The following EXO1 variants were observed in gnomAD, a reference collection of about 807,000 sequenced individuals.
EXO1 encodes exonuclease 1.
Under a neutral mutation model 84.5 loss-of-function variants are expected in EXO1, and 69 were observed. The observed-to-expected ratio is 0.82, with a 90% CI of 0.67 to 1.00. The LOEUF (loss-of-function observed/expected upper bound fraction) is 1.00, where lower values mean the gene tolerates loss of function less well. Among genes scored for constraint, EXO1 ranks in the 50% least tolerant of loss-of-function variants. The pLI is 0.00. For synonymous variants in EXO1, 373 were observed against 366.1 expected, an observed-to-expected ratio of 1.02 and a Z score of -0.21; for missense variants, 1,045 against 1,000.7, an observed-to-expected ratio of 1.04 and a Z score of -0.60.
chr1:241,874,172 G>A (rs1024678459), intron 12 of EXO1, among the ~76,000 whole-genome samples: 1 of 152,222 alleles, frequency 6.6e-6, no homozygotes, highest in Non-Finnish European at 1.5e-5. Context: ...GGCCAAGTGG[G>A]TGGATCACCT....
chr1:241,866,687 G>T, intron 10 of EXO1, 143 bp from the exon 11 acceptor site: 2 of 688,222 alleles, frequency 2.9e-6, no homozygotes, highest in Non-Finnish European at 2.6e-6. Flanking sequence ...AGTAGGAAAT[G>T]TTATTCAAGG....
intron 12 of EXO1, among the ~76,000 whole-genome samples, chr1:241,875,674 C>G (rs536057990): frequency 5.1e-4 from 78 of 152,170 alleles, no homozygotes; most frequent in South Asian, 4.6e-3. Flanking sequence ...GTCAGGAGAT[C>G]GAGACCATCC....
intron 10 of EXO1, among the ~76,000 whole-genome samples, chr1:241,865,098 G>T (rs1167524817): frequency 6.6e-6 from 1 of 150,704 alleles, no homozygotes; most frequent in East Asian, 2.0e-4. Context: ...TTGAACTCCT[G>T]GCCTGAAGCA....
intron 9 of EXO1, 103 bp downstream of exon 9, chr1:241,860,807 T>G (rs1661339590): frequency 3.3e-6 from 3 of 903,616 alleles, no homozygotes. Context: ...CACATTATTT[T>G]TTGCTCTCTT....
chr1:241,855,662 C>T (rs893853174), intron 6 of EXO1, among the ~76,000 whole-genome samples: 4 of 152,210 alleles, frequency 2.6e-5, no homozygotes, highest in Admixed American at 2.6e-4. Context: ...TCGGGCGGCA[C>T]AGGAGCCCAC....
chr1:241,876,514 G>C (rs1662412477), intron 12 of EXO1, among the ~76,000 whole-genome samples: 1 of 151,958 alleles, frequency 6.6e-6, no homozygotes, highest in Non-Finnish European at 1.5e-5. Context: ...CCCAGGAGGA[G>C]GAGGTTGCAG....
chr1:241,850,105 C>A (rs947991189), intron 3 of EXO1, among the ~76,000 whole-genome samples: 2 of 152,078 alleles, frequency 1.3e-5, no homozygotes, highest in East Asian at 3.9e-4. Flanking sequence ...CATGGTGAAA[C>A]CCCGTCTCTA....
intron 13 of EXO1, 23 bp from the exon 14 acceptor site, chr1:241,881,893 A>T (rs1662775954): frequency 5.8e-6 from 7 of 1,207,890 alleles, no homozygotes; most frequent in Non-Finnish European, 8.5e-6. Context: ...ATTTTATTTT[A>T]TTTTTTGATC....
intron 10 of EXO1, among the ~76,000 whole-genome samples, chr1:241,864,327 G>A (rs1440569099): frequency 1.3e-5 from 2 of 152,224 alleles, no homozygotes; most frequent in East Asian, 3.8e-4. Context: ...TTTGAAAGCA[G>A]GATAGGGAAA....
intron 12 of EXO1, among the ~76,000 whole-genome samples, chr1:241,873,492 CCT>C (rs1558138626): frequency 1.3e-5 from 2 of 152,186 alleles, no homozygotes; most frequent in South Asian, 4.2e-4. Context: ...TTCCCTTCCC[CCT>C]CTTTTTTTTC....
chr1:241,883,407 T>G (rs1662879467), intron 14 of EXO1, among the ~76,000 whole-genome samples: 1 of 152,208 alleles, frequency 6.6e-6, no homozygotes, highest in South Asian at 2.1e-4. Flanking sequence ...CGCTGTGTCC[T>G]TACATGGTAG....
At chr1:241,871,292 G>A (rs140883218) in intron 11 of EXO1, among the ~76,000 whole-genome samples, 87 of 152,216 alleles carry the variant, frequency 5.7e-4, no homozygotes, top group African/African-American at 2.0e-3. Flanking sequence ...TGGTATTTTG[G>A]TAACCCCAAC....
At chr1:241,858,474 C>T (rs1321060180) in intron 7 of EXO1, 32 bp from the exon 8 acceptor site, 5 of 1,453,884 alleles carry the variant, frequency 3.4e-6, no homozygotes, top group African/African-American at 1.4e-5. Flanking sequence ...AGTGGCCCTT[C>T]TAGGTATTAA....
Position 241,860,614 on chromosome 1 carries a change from A to G in EXO1, c.854A>G (p.Gln285Arg), listed in dbSNP as rs1196802915. 1.2e-6 allele frequency: 2 copies of G among 1,613,768 alleles called. No individual in the cohort carries two copies. The highest frequency in any genetic ancestry group is 1.7e-6 in the Non-Finnish European group (2 of 1,179,770). Residue 285 changes from glutamine (Q) to arginine (R), a missense_variant, in exon 9 of 16, where the codon CAG becomes CGG. Coordinates refer to ENST00000366548, the MANE Select transcript of EXO1 (RefSeq NM_130398.4). The stretch of plus-strand genomic sequence containing the variant: ...CGGGCCAACAATACCTTCCTCTATC[A>G]GCTAGTTTTTGATCCCATCAAAAGG... Reference protein sequence around the residue: ...FIRANNTFLYQLVFDPIKRKL... With the variant: ...FIRANNTFLYRLVFDPIKRKL...
chr1:241,879,092 AG>A lies in EXO1; in HGVS notation c.1859del (p.Arg620LysfsTer35). The A allele has an allele frequency of 1.9e-6, 3 of 1,614,092 alleles. No individual in the cohort carries two copies. In the South Asian group the frequency reaches 3.3e-5, roughly 18 times the overall value. ...GTCTGGAGGTCTTGGAGATTTTTCA[AG>A]AACGCCGAGCCCCTCTCCAAGCACA... ...SWSGGLGDFSRTPSPSPSTAL... is the reference protein window; with the variant it reads ...SWSGGLGDFSXTPSPSPSTAL... On this transcript the variant is annotated frameshift_variant, in exon 13 of 16. Transcript: ENST00000366548. LOFTEE classifies it high-confidence loss of function.
intron 13 of EXO1, among the ~76,000 whole-genome samples, chr1:241,881,607 C>T (rs558172449): frequency 2.0e-5 from 3 of 152,302 alleles, no homozygotes; most frequent in South Asian, 2.1e-4. Flanking sequence ...ACGTGCGTAA[C>T]GCAGCGTTTT....
intron 11 of EXO1, among the ~76,000 whole-genome samples, chr1:241,869,172 C>T (rs1298240159): frequency 1.3e-5 from 2 of 152,146 alleles, no homozygotes; most frequent in African/African-American, 4.8e-5. Context: ...CTATGAGCCA[C>T]AGTGTGTGAT....
intron 10 of EXO1, among the ~76,000 whole-genome samples, chr1:241,866,621 GA>G (rs994294433): frequency 1.5e-5 from 2 of 135,574 alleles, no homozygotes; most frequent in African/African-American, 5.5e-5. Flanking sequence ...CTCATCAGAA[GA>G]AAAACAGGCC....
At chr1:241,855,877 G>T (rs193077909) in intron 6 of EXO1, among the ~76,000 whole-genome samples, 1 of 152,244 alleles carries the variant, frequency 6.6e-6, no homozygotes, top group Non-Finnish European at 1.5e-5. Flanking sequence ...CTCTGAGTGC[G>T]GGGCCGCCAA....
Sources: allele counts gnomAD v4.1 joint callset (sites outside exome capture counted in the v4.1 genomes callset), GRCh38; gene constraint gnomAD v4.1.1; transcripts MANE v1.5; gene names NCBI Gene and HGNC (gene_info 2026-07-23, HGNC 2026-07-21).